SHISA6: variants seen among roughly 807,000 people sequenced by gnomAD.
The protein encoded by SHISA6 is shisa family member 6.
SHISA6 carries 22 observed loss-of-function variants against 47.9 expected under a neutral mutation model. The observed-to-expected ratio is 0.46, with a 90% CI of 0.33 to 0.66. The LOEUF (loss-of-function observed/expected upper bound fraction) is 0.66. Among genes scored for constraint, SHISA6 ranks in the 30% least tolerant of loss-of-function variants. The pLI, the probability that SHISA6 is intolerant of heterozygous loss-of-function variation, is 0.02. For missense variants in SHISA6, 680 were observed against 764.6 expected, an observed-to-expected ratio of 0.89 and a Z score of 1.30; for synonymous variants, 388 against 337.8, an observed-to-expected ratio of 1.15 and a Z score of -1.63.
Position 11,360,134 on chromosome 17 carries a change from G to A in SHISA6, c.800-19280G>A, listed in dbSNP as rs147595952. Among the ~76,000 whole-genome samples, 692 of 152,324 alleles carry A rather than the reference G, an allele frequency of 4.5e-3. 5 individuals are homozygous for A. The highest frequency in any genetic ancestry group is 0.016 in the African/African-American group (668 of 41,558). On this transcript the variant is annotated intron_variant, in intron 2 of 5. Transcript: ENST00000441885. ...CATATACACCATGGAATACTATGCAGCCACAAAAAGGATGAGTTCATGTCC... is the reference window on the plus strand; with the variant it reads ...CATATACACCATGGAATACTATGCAACCACAAAAAGGATGAGTTCATGTCC...
intron 3 of SHISA6, among the ~76,000 whole-genome samples, chr17:11,456,336 G>C (rs2142309944): frequency 6.6e-6 from 1 of 152,244 alleles, no homozygotes; most frequent in East Asian, 1.9e-4. Context: ...ACTTCCCAGG[G>C]GAGTTCTCCT....
At position 11,520,944 on chromosome 17, in the gene SHISA6, T is replaced by C. The variant is rs142994223; in HGVS notation, c.896-30952T>C. On this transcript the variant is annotated intron_variant, in intron 3 of 5. Transcript: ENST00000441885. ...CTTAACACCATGAGTACAAGAACTC[T>C]GTCTGTTTGGTTCACCACTGTATTT... 2.8e-3 allele frequency among the ~76,000 whole-genome samples: 425 copies of C among 152,356 alleles called. 1 individual carries two copies. The highest frequency in any genetic ancestry group is 9.9e-3 in the African/African-American group (410 of 41,578).
At chr17:11,486,648 C>T (rs1916355608) in intron 3 of SHISA6, among the ~76,000 whole-genome samples, 1 of 152,166 alleles carries the variant, frequency 6.6e-6, no homozygotes, top group Non-Finnish European at 1.5e-5. Context: ...AGACACCACC[C>T]AAGGTGAGAC....
intron 2 of SHISA6, among the ~76,000 whole-genome samples, chr17:11,343,908 C>T (rs183548738): frequency 2.6e-5 from 4 of 152,274 alleles, no homozygotes; most frequent in Admixed American, 6.5e-5. Flanking sequence ...AGGCTCGCCT[C>T]GAACTCCTGA....
chr17:11,401,674 T>G (rs1442964005), intron 3 of SHISA6, among the ~76,000 whole-genome samples: 2 of 152,174 alleles, frequency 1.3e-5, no homozygotes, highest in Non-Finnish European at 2.9e-5. Context: ...AACAAAGATT[T>G]ATTTATTTTT....
chr17:11,551,395 C>T (rs1050183353), intron 3 of SHISA6, among the ~76,000 whole-genome samples: 26 of 152,276 alleles, frequency 1.7e-4, no homozygotes, highest in African/African-American at 5.8e-4. Flanking sequence ...GGTCATCTTG[C>T]TGCATCTCAG....
intron 3 of SHISA6, among the ~76,000 whole-genome samples, chr17:11,436,410 A>G (rs957982798): frequency 6.6e-6 from 1 of 152,184 alleles, no homozygotes; most frequent in African/African-American, 2.4e-5. Flanking sequence ...CTTTCTGTTT[A>G]TGTATCCCTG....
At chr17:11,383,791 T>C (rs534054330) in intron 3 of SHISA6, among the ~76,000 whole-genome samples, 1 of 152,304 alleles carries the variant, frequency 6.6e-6, no homozygotes, top group Non-Finnish European at 1.5e-5. Context: ...TCATGATAAA[T>C]AGAATCTAGG....
chr17:11,480,771 C>T (rs143209052), intron 3 of SHISA6, among the ~76,000 whole-genome samples: 6 of 152,234 alleles, frequency 3.9e-5, no homozygotes, highest in African/African-American at 1.2e-4. Context: ...TAAACTTACA[C>T]CAACTTATGA....
At chr17:11,467,934 T>C (rs1005962398) in intron 3 of SHISA6, among the ~76,000 whole-genome samples, 2 of 152,190 alleles carry the variant, frequency 1.3e-5, no homozygotes, top group African/African-American at 2.4e-5. Context: ...CTTAAAGCTT[T>C]CATAACGTCC....
chr17:11,243,875 G>A (rs1293848207), intron 1 of SHISA6, among the ~76,000 whole-genome samples: 4 of 152,140 alleles, frequency 2.6e-5, no homozygotes, highest in African/African-American at 4.8e-5. Context: ...CTGAGCCATT[G>A]TTCTCTGTAC....
intron 2 of SHISA6, among the ~76,000 whole-genome samples, chr17:11,293,145 AG>A (rs1306772150): frequency 6.6e-6 from 1 of 152,020 alleles, no homozygotes; most frequent in Admixed American, 6.6e-5. Flanking sequence ...TATTTTTGAA[AG>A]GTTTTTCCAG....
chr17:11,394,726 A>AAGTT (rs146384599), intron 3 of SHISA6, among the ~76,000 whole-genome samples: 5,513 of 152,210 alleles, frequency 0.036, 179 homozygotes, highest in Admixed American at 0.088. Flanking sequence ...ACATATATAA[A>AAGTT]AGAATAACGG....
intron 3 of SHISA6, among the ~76,000 whole-genome samples, chr17:11,381,930 CCTT>C (rs1455683519): frequency 6.6e-6 from 1 of 152,200 alleles, no homozygotes; most frequent in Non-Finnish European, 1.5e-5. Context: ...GCTTCTGACA[CCTT>C]CTCTTTCCAG....
At chr17:11,488,270 A>G (rs1567619046) in intron 3 of SHISA6, among the ~76,000 whole-genome samples, 1 of 152,164 alleles carries the variant, frequency 6.6e-6, no homozygotes, top group Non-Finnish European at 1.5e-5. Flanking sequence ...GAGTGGTCAG[A>G]ATCATCACAC....
At chr17:11,260,730 C>G (rs1300971726) in intron 1 of SHISA6, among the ~76,000 whole-genome samples, 2 of 151,612 alleles carry the variant, frequency 1.3e-5, no homozygotes, top group African/African-American at 2.4e-5. Context: ...GGTTTCAGAC[C>G]CCCTCTCACT....
intron 2 of SHISA6, among the ~76,000 whole-genome samples, chr17:11,293,043 T>C (rs1909608798): frequency 6.6e-6 from 1 of 152,004 alleles, no homozygotes; most frequent in African/African-American, 2.4e-5. Flanking sequence ...CAGGCTGGTG[T>C]TGAACTCCCG....
intron 3 of SHISA6, among the ~76,000 whole-genome samples, chr17:11,495,517 T>C (rs1003540856): frequency 4.6e-5 from 7 of 152,196 alleles, no homozygotes; most frequent in African/African-American, 1.4e-4. Context: ...CATGTGCTCC[T>C]TCTGTTTGTT....
At chr17:11,382,370 C>T (rs1484474897) in intron 3 of SHISA6, among the ~76,000 whole-genome samples, 2 of 152,164 alleles carry the variant, frequency 1.3e-5, no homozygotes, top group Non-Finnish European at 1.5e-5. Flanking sequence ...TGAGTCACTA[C>T]ATCTGGCTTG....
Sources: allele counts gnomAD v4.1 joint callset (sites outside exome capture counted in the v4.1 genomes callset), GRCh38; gene constraint gnomAD v4.1.1; transcripts MANE v1.5; gene names NCBI Gene and HGNC (gene_info 2026-07-23, HGNC 2026-07-21).